The following FBN1 variants were observed in gnomAD, a reference collection of about 807,000 sequenced individuals.
The protein encoded by FBN1 is fibrillin-1.
Under a neutral mutation model 365.1 loss-of-function variants are expected in FBN1, and 29 were observed. The ratio of observed to expected loss-of-function variants is 0.08; its 90% CI spans 0.06 to 0.11. FBN1 has a LOEUF of 0.11. Among genes scored for constraint, FBN1 ranks in the 10% least tolerant of loss-of-function variants. The pLI is 1.00. For missense variants in FBN1, 2,476 were observed against 3,703.2 expected (o/e 0.67, Z 8.60); for synonymous variants, 1,210 against 1,270.5 (o/e 0.95, Z 1.01).
intron 2 of FBN1, among the ~76,000 whole-genome samples, chr15:48,639,332 G>C (rs1890156709): frequency 6.6e-6 from 1 of 152,196 alleles, no homozygotes; most frequent in South Asian, 2.1e-4. Flanking sequence ...AAAACAGTAA[G>C]AACAGTGCTT....
intron 45 of FBN1, among the ~76,000 whole-genome samples, chr15:48,449,514 C>T (rs2043184486): frequency 6.6e-6 from 1 of 152,132 alleles, no homozygotes; most frequent in Admixed American, 6.6e-5. Context: ...AAAAGGAAGC[C>T]CTCTCATCTT....
At chr15:48,643,351 A>T (rs923884706) in intron 2 of FBN1, 5 of 152,240 alleles carry the variant, frequency 3.3e-5, no homozygotes, top group Non-Finnish European at 7.3e-5. Context: ...GAAGGCCAAG[A>T]TGGAACCGAA....
intron 4 of FBN1, 114 bp downstream of exon 4, chr15:48,610,614 A>T: frequency 1.3e-6 from 1 of 781,480 alleles, no homozygotes; most frequent in Non-Finnish European, 2.2e-6. Context: ...GAGAAGGCAG[A>T]TGTTCTAGTG....
In FBN1 at chr15:48,520,131, T is replaced by G. The variant is rs549284503; in HGVS notation, c.1147+528A>C. On this transcript the variant is annotated intron_variant, in intron 10 of 65. Coordinates refer to ENST00000316623, the MANE Select transcript of FBN1 (RefSeq NM_000138.5). The stretch of plus-strand genomic sequence containing the variant: ...CTTTGGGAAAGGTACATGGCAATGG[T>G]GGATTTCAGAGACTAGTTAGGAGAC... Among the ~76,000 whole-genome samples the G allele has an allele frequency of 4.6e-5, 7 of 152,138 alleles. 1 individual carries two copies. The highest frequency in any genetic ancestry group is 1.7e-4 in the African/African-American group (7 of 41,514).
chr15:48,548,386 C>T (rs932100245), intron 6 of FBN1, among the ~76,000 whole-genome samples: 2 of 152,202 alleles, frequency 1.3e-5, no homozygotes, highest in Non-Finnish European at 2.9e-5. Context: ...CCCAGGTACA[C>T]ATGATGTGAA....
intron 32 of FBN1, 149 bp downstream of exon 32, chr15:48,481,506 A>C: frequency 1.1e-6 from 1 of 892,412 alleles, no homozygotes; most frequent in Non-Finnish European, 1.6e-6. Context: ...AATTTCAAAG[A>C]AGTGGAAGCT....
At chr15:48,643,442 T>C (rs932058330) in intron 2 of FBN1, 3 of 152,190 alleles carry the variant, frequency 2.0e-5, no homozygotes, top group African/African-American at 4.8e-5. Context: ...TACTCCAGAC[T>C]AGGAGTCAAA....
At chr15:48,489,757 G>T in intron 25 of FBN1, 94 bp downstream of exon 25, 1 of 990,962 alleles carries the variant, frequency 1.0e-6, no homozygotes, top group East Asian at 2.4e-5. Flanking sequence ...AAAAGTCCAT[G>T]CTGGGATGAT....
At chr15:48,641,470 C>T (rs1008761818) in intron 2 of FBN1, 2 of 152,182 alleles carry the variant, frequency 1.3e-5, no homozygotes, top group African/African-American at 4.8e-5. Context: ...TTTGTAGTCA[C>T]CTGCCACATC....
At chr15:48,440,345 G>C (rs2141243966) in intron 50 of FBN1, among the ~76,000 whole-genome samples, 1 of 152,278 alleles carries the variant, frequency 6.6e-6, no homozygotes, top group Non-Finnish European at 1.5e-5. Flanking sequence ...GCTCTGTGAT[G>C]GGCCAGTGCA....
chr15:48,427,431 T>C (rs184713567), intron 58 of FBN1, 136 bp downstream of exon 58: 5 of 892,326 alleles, frequency 5.6e-6, no homozygotes, highest in Non-Finnish European at 8.7e-6. Flanking sequence ...AACTCCATAA[T>C]GAAGAATTTT....
chr15:48,565,107 T>G (rs1312324971), intron 6 of FBN1, among the ~76,000 whole-genome samples: 4 of 152,162 alleles, frequency 2.6e-5, no homozygotes, highest in African/African-American at 9.7e-5. Context: ...CCACCATACC[T>G]TGGTCAGATA....
At chr15:48,473,655 G>GATGACGATA (rs948549110) in intron 34 of FBN1, among the ~76,000 whole-genome samples, 1 of 152,138 alleles carries the variant, frequency 6.6e-6, no homozygotes, top group African/African-American at 2.4e-5. Flanking sequence ...GAATGTTGAT[G>GATGACGATA]ATGACGATAA....
chr15:48,635,312 CTT>C (rs1263256024), intron 2 of FBN1, among the ~76,000 whole-genome samples: 1 of 152,120 alleles, frequency 6.6e-6, no homozygotes, highest in African/African-American at 2.4e-5. Context: ...AAAAAAGTCA[CTT>C]AAGTTGAAAA....
At chr15:48,629,197 G>A (rs2140762191) in intron 2 of FBN1, among the ~76,000 whole-genome samples, 1 of 152,240 alleles carries the variant, frequency 6.6e-6, no homozygotes, top group East Asian at 1.9e-4. Context: ...AATATCAGCT[G>A]AACTAAATAG....
chr15:48,622,032 T>C (rs1889779904), intron 2 of FBN1, among the ~76,000 whole-genome samples: 2 of 151,790 alleles, frequency 1.3e-5, no homozygotes, highest in Admixed American at 1.3e-4. Context: ...GGTTCATTAA[T>C]TACAAAAAAT....
chr15:48,446,668 C>T, intron 47 of FBN1, 38 bp downstream of exon 47: 2 of 1,238,102 alleles, frequency 1.6e-6, no homozygotes, highest in Non-Finnish European at 1.2e-6. Flanking sequence ...ACATATAAAA[C>T]TGACTTCCTT....
At chr15:48,561,857 A>G (rs949791929) in intron 6 of FBN1, among the ~76,000 whole-genome samples, 1 of 152,184 alleles carries the variant, frequency 6.6e-6, no homozygotes, top group Non-Finnish European at 1.5e-5. Flanking sequence ...AGCATTCTGG[A>G]AGAACTATTT....
chr15:48,449,975 G>A (rs2043188280), intron 45 of FBN1, among the ~76,000 whole-genome samples: 1 of 152,158 alleles, frequency 6.6e-6, no homozygotes, highest in African/African-American at 2.4e-5. Context: ...CTATTTAGTA[G>A]ATGAATCATC....
Sources: gnomAD v4.1 joint callset for allele counts (sites outside exome capture counted in the v4.1 genomes callset) on GRCh38, gnomAD v4.1.1 for gene constraint, MANE v1.5 for transcripts, NCBI Gene and HGNC (gene_info 2026-07-23, HGNC 2026-07-21) for gene names.